The following SCFD1 variants were observed in gnomAD, a reference collection of about 807,000 sequenced individuals.
SCFD1 encodes sec1 family domain-containing protein 1.
SCFD1 carries 37 observed loss-of-function variants against 103.2 expected under a neutral mutation model. The observed-to-expected ratio is 0.36, with a 90% CI of 0.28 to 0.47. The LOEUF (loss-of-function observed/expected upper bound fraction) is 0.47, where lower values mean the gene tolerates loss of function less well. Among genes scored for constraint, SCFD1 ranks in the 20% least tolerant of loss-of-function variants. The pLI is 1.00. For synonymous variants in SCFD1, 264 were observed against 245.0 expected (o/e 1.08, Z -0.73); for missense variants, 639 against 761.2 (o/e 0.84, Z 1.89).
intron 10 of SCFD1, among the ~76,000 whole-genome samples, chr14:30,662,002 T>C (rs2139158790): frequency 1.3e-5 from 2 of 152,262 alleles, no homozygotes; most frequent in South Asian, 4.1e-4. Context: ...ATTTTGTCTT[T>C]TACCCACCTT....
chr14:30,673,361 T>C lies in SCFD1; in HGVS notation c.1086+14T>C. 1 of 1,390,072 alleles carries C rather than the reference T, an allele frequency of 7.2e-7. No individual in the cohort carries two copies. Among genetic ancestry groups the C allele is most frequent in the Non-Finnish European group, 1.0e-6 (1 of 990,340 alleles). 86.1% of individuals were successfully genotyped at this position (1,390,072 alleles called of 1,614,324 possible). On this transcript the variant is annotated intron_variant, in intron 12 of 24. Transcript: ENST00000458591. ...AAAAGCATTATGGTAAGATTCTATT[T>C]GCTTTCTAAGAATTATAGGAAAGAG...
chr14:30,699,984 C>G (rs1594726517), intron 15 of SCFD1, among the ~76,000 whole-genome samples: 1 of 152,086 alleles, frequency 6.6e-6, no homozygotes, highest in Non-Finnish European at 1.5e-5. Flanking sequence ...TAATCACAGC[C>G]CTCTAATCCC....
Position 30,639,762 on chromosome 14 carries a change from T to C in SCFD1, c.436-15T>C, listed in dbSNP as rs780071087. The C allele has an allele frequency of 3.2e-6, 5 of 1,559,630 alleles. No homozygotes were observed. Among genetic ancestry groups the C allele is most frequent in the South Asian group, 1.2e-5 (1 of 84,936 alleles). On this transcript the variant is annotated splice_polypyrimidine_tract_variant and intron_variant, in intron 5 of 24. Transcript: ENST00000458591. ...ATTGTAAGATTGATTTGTAAACCTTTTCTTTTGTTTCTAGGTTTTTGACCA... is the reference window on the plus strand; with the variant it reads ...ATTGTAAGATTGATTTGTAAACCTTCTCTTTTGTTTCTAGGTTTTTGACCA...
At chr14:30,641,442 T>C (rs1885264651) in intron 6 of SCFD1, among the ~76,000 whole-genome samples, 1 of 152,150 alleles carries the variant, frequency 6.6e-6, no homozygotes, top group Non-Finnish European at 1.5e-5. Flanking sequence ...GATGTGGAAC[T>C]AGGATATAGG....
At chr14:30,725,349 T>A (rs2139424004) in intron 23 of SCFD1, among the ~76,000 whole-genome samples, 1 of 152,316 alleles carries the variant, frequency 6.6e-6, no homozygotes, top group African/African-American at 2.4e-5. Context: ...TTGTGTCATC[T>A]CTGATTTATT....
At chr14:30,724,244 G>GATT in intron 23 of SCFD1, among the ~76,000 whole-genome samples, 1 of 127,256 alleles carries the variant, frequency 7.9e-6, no homozygotes, top group Non-Finnish European at 1.6e-5. Flanking sequence ...CTTTTTTATG[G>GATT]GTTTTTTTTT....
At chr14:30,648,505 T>G (rs1230772078) in intron 7 of SCFD1, among the ~76,000 whole-genome samples, 1 of 152,232 alleles carries the variant, frequency 6.6e-6, no homozygotes, top group Non-Finnish European at 1.5e-5. Flanking sequence ...TGTCAATTTG[T>G]AAAATAAACA....
At chr14:30,670,472 A>AG (rs1166641809) in intron 11 of SCFD1, 77 bp downstream of exon 11, 1 of 1,097,956 alleles carries the variant, frequency 9.1e-7, no homozygotes, top group African/African-American at 1.6e-5. Flanking sequence ...AATGAATTTG[A>AG]GAAAAAAAAG....
intron 1 of SCFD1, among the ~76,000 whole-genome samples, chr14:30,625,504 A>T (rs1407000667): frequency 6.6e-6 from 1 of 152,136 alleles, no homozygotes; most frequent in Non-Finnish European, 1.5e-5. Flanking sequence ...AGATAAAGTC[A>T]TGGTTTAAGC....
rs747473312 is a variant in SCFD1, at chr14:30,622,340, T to TGGCGGC, written c.12_17dup (p.Ala6_Ala7dup). ...GGGCAGTGGCTCGTGGGAGCCAAGA[T>TGGCGGC]GGCGGCGGCGGCGGCAGCGACAGCA... On this transcript the variant is annotated inframe_insertion, in exon 1 of 25. Coordinates refer to ENST00000458591, the MANE Select transcript of SCFD1 (RefSeq NM_016106.4). The TGGCGGC allele has an allele frequency of 2.8e-5, 44 of 1,576,438 alleles. No homozygotes were observed. Among genetic ancestry groups the TGGCGGC allele is most frequent in the Admixed American group, 9.2e-5 (5 of 54,252 alleles).
chr14:30,633,880 C>T (rs1884433489), intron 3 of SCFD1, 67 bp from the exon 4 acceptor site: 1 of 870,602 alleles, frequency 1.1e-6, no homozygotes, highest in Non-Finnish European at 1.8e-6. Flanking sequence ...AGTGAACTCC[C>T]ATTTTGAGGA....
At chr14:30,732,871 A>G (rs1008941565) in intron 23 of SCFD1, among the ~76,000 whole-genome samples, 6 of 152,226 alleles carry the variant, frequency 3.9e-5, no homozygotes, top group Non-Finnish European at 7.3e-5. Flanking sequence ...TAATACTAAT[A>G]TTGATGAATT....
At chr14:30,722,666 G>A (rs1892733387) in intron 23 of SCFD1, 107 bp downstream of exon 23, 1 of 580,964 alleles carries the variant, frequency 1.7e-6, no homozygotes, top group Admixed American at 3.5e-5. Context: ...TTTTCTAAAA[G>A]GTAGTTTTAA....
chr14:30,678,795 C>G (rs1889242359), intron 14 of SCFD1, among the ~76,000 whole-genome samples: 1 of 152,194 alleles, frequency 6.6e-6, no homozygotes, highest in Non-Finnish European at 1.5e-5. Context: ...CCGGATATAG[C>G]TGGTAAAAAA....
intron 2 of SCFD1, 110 bp from the exon 3 acceptor site, chr14:30,630,367 C>T: frequency 1.4e-6 from 1 of 694,280 alleles, no homozygotes; most frequent in Non-Finnish European, 2.6e-6. Flanking sequence ...GCAAGGATAA[C>T]AATTCAGTAT....
intron 10 of SCFD1, among the ~76,000 whole-genome samples, chr14:30,668,645 A>G (rs1173855439): frequency 1.3e-5 from 2 of 152,194 alleles, no homozygotes; most frequent in East Asian, 1.9e-4. Context: ...TTTACAATCT[A>G]CCCATCTGAC....
chr14:30,709,560 A>G (rs574569987), intron 19 of SCFD1, among the ~76,000 whole-genome samples: 37 of 152,152 alleles, frequency 2.4e-4, no homozygotes, highest in African/African-American at 8.2e-4. Flanking sequence ...ATTATTGTCA[A>G]TCTCTCTCAT....
At chr14:30,632,038 A>ATTTTT (rs1884201451) in intron 3 of SCFD1, among the ~76,000 whole-genome samples, 3 of 124,526 alleles carry the variant, frequency 2.4e-5, no homozygotes, top group Non-Finnish European at 3.3e-5. Flanking sequence ...GCAGAGCAAG[A>ATTTTT]TTCTGTTGAA....
chr14:30,728,630 T>A (rs1053376896), intron 23 of SCFD1, among the ~76,000 whole-genome samples: 1 of 152,190 alleles, frequency 6.6e-6, no homozygotes, highest in Non-Finnish European at 1.5e-5. Context: ...CTGTAATCAT[T>A]TGAAGAACTA....
Sources: gnomAD v4.1 joint callset for allele counts (sites outside exome capture counted in the v4.1 genomes callset) on GRCh38, gnomAD v4.1.1 for gene constraint, MANE v1.5 for transcripts, NCBI Gene and HGNC (gene_info 2026-07-23, HGNC 2026-07-21) for gene names.